CPZ: variants seen among roughly 807,000 people sequenced by gnomAD.
CPZ encodes the protein VEZT/CPZ fusion.
In CPZ, 103 loss-of-function variants were observed where a neutral mutation model predicts 61.8. The observed-to-expected ratio is 1.67, with a 90% confidence interval of 1.42 to 1.96. CPZ has a LOEUF of 1.96. Ranked by LOEUF, CPZ falls within the 30% of genes most tolerant of loss-of-function variation. The pLI is 0.00. For synonymous variants in CPZ, 551 were observed against 373.7 expected, an observed-to-expected ratio of 1.47 and a Z score of -5.47; for missense variants, 1,461 against 914.9, an observed-to-expected ratio of 1.60 and a Z score of -7.70.
chr4:8,618,197 T>C, intron 9 of CPZ: 3 of 549,502 alleles, frequency 5.5e-6, no homozygotes, highest in Non-Finnish European at 9.8e-6. Flanking sequence ...TGCAGGGTCA[T>C]TCAAAAGCCC....
intron 5 of CPZ, 96 bp downstream of exon 5, chr4:8,606,281 C>A (rs76139754): frequency 0.043 from 54,039 of 1,250,372 alleles, 1,398 homozygotes; most frequent in Non-Finnish European, 0.049. Context: ...TGCTTCGTTC[C>A]TGCCTCTCTA....
chr4:8,608,142 C>CAGCTTCCAGCTTCCAGCTT (rs1230960036), intron 7 of CPZ, among the ~76,000 whole-genome samples: 1 of 137,750 alleles, frequency 7.3e-6, no homozygotes, highest in African/African-American at 3.0e-5. Context: ...GCCTCCAGCC[C>CAGCTTCCAGCTTCCAGCTT]CCAGCCCCCA....
rs1714574362 is a variant in CPZ, at chr4:8,601,509, TG to T, written c.496+14del. 1.4e-6 allele frequency: 2 copies of T among 1,452,178 alleles called. No homozygotes were observed. The highest frequency in any genetic ancestry group is 1.8e-6 in the Non-Finnish European group (2 of 1,100,332). 90.0% of individuals were successfully genotyped at this position (1,452,178 alleles called of 1,614,324 possible). On this transcript the variant is annotated intron_variant, in intron 3 of 10. Transcript: ENST00000360986. Reference sequence around the variant, plus strand: ...GGAGAAGCTTCGGGGTAAGGGAAAGTGGCGGGGGCCTGTGTGGTCATGGGGT... The same window carrying T: ...GGAGAAGCTTCGGGGTAAGGGAAAGTGCGGGGGCCTGTGTGGTCATGGGGT...
rs1279520878 is a variant in CPZ, at chr4:8,607,385, C to G, written c.1187C>G (p.Pro396Arg). 5 of 1,613,960 alleles carry G rather than the reference C, an allele frequency of 3.1e-6. No individual in the cohort carries two copies. The highest frequency in any genetic ancestry group is 4.2e-6 in the Non-Finnish European group (5 of 1,179,982). The change falls in exon 7 of 11, where the codon CCC becomes CGC. Residue 396 changes from proline (P) to arginine (R), a missense_variant. Transcript: ENST00000360986. ...VSYPFDFSKH[P>R]QEEKMFSPTP... Reference sequence around the variant, plus strand: ...TACCCCTTCGACTTCTCCAAGCACCCCCAGGAGGAGAAGATGTTTTCTCCC... The same window carrying G: ...TACCCCTTCGACTTCTCCAAGCACCGCCAGGAGGAGAAGATGTTTTCTCCC...
At chr4:8,610,983 G>C (rs936437768) in intron 7 of CPZ, among the ~76,000 whole-genome samples, 2 of 151,536 alleles carry the variant, frequency 1.3e-5, no homozygotes, top group African/African-American at 4.9e-5. Flanking sequence ...CATTCACTCA[G>C]TCACTCACTC....
intron 7 of CPZ, among the ~76,000 whole-genome samples, chr4:8,610,522 G>C (rs147941190): frequency 2.2e-4 from 34 of 151,438 alleles, no homozygotes; most frequent in Non-Finnish European, 4.0e-4. Context: ...TTTGGAGAGA[G>C]TCTTGTCCCA....
intron 8 of CPZ, 49 bp downstream of exon 8, chr4:8,612,211 G>GGGGGGGGGGGGC: frequency 4.6e-6 from 1 of 215,366 alleles, no homozygotes; most frequent in Non-Finnish European, 8.4e-6. Context: ...GGGTGCAGGG[G>GGGGGGGGGGGGC]CTGGGTGGGG....
chr4:8,617,366 T>C (rs1716265740), intron 9 of CPZ, among the ~76,000 whole-genome samples: 1 of 152,180 alleles, frequency 6.6e-6, no homozygotes, highest in Admixed American at 6.5e-5. Context: ...CCAGCCCCTC[T>C]CGGGCTAATG....
intron 1 of CPZ, among the ~76,000 whole-genome samples, chr4:8,595,026 C>G (rs1714074382): frequency 6.6e-6 from 1 of 152,244 alleles, no homozygotes; most frequent in African/African-American, 2.4e-5. Flanking sequence ...CCCGCCTTGG[C>G]CTCCCAAAGT....
intron 2 of CPZ, 84 bp downstream of exon 2, chr4:8,599,569 C>G: frequency 6.3e-7 from 1 of 1,585,232 alleles, no homozygotes; most frequent in South Asian, 1.2e-5. Context: ...GCAGCTGAAT[C>G]CGTGATTTCA....
At position 8,619,552 on chromosome 4, in the gene CPZ, C is replaced by G; in HGVS notation, c.1894C>G (p.Pro632Ala). The change falls in exon 11 of 11, where the codon CCC becomes GCC. Residue 632 changes from proline to alanine, a missense_variant. Transcript: ENST00000360986. The part of the protein sequence containing the change: ...RRQPSADGSK[P>A]WWWSYFTSLS... The stretch of plus-strand genomic sequence containing the variant: ...GCAGCCCTCGGCCGACGGGAGTAAG[C>G]CCTGGTGGTGGTCCTACTTCACATC... 6.4e-7 allele frequency: 1 copy of G among 1,556,212 alleles called. No homozygotes were observed. The highest frequency in any genetic ancestry group is 8.7e-7 in the Non-Finnish European group (1 of 1,150,672).
rs762883332 is a variant in CPZ, at chr4:8,601,372, G to T, written c.371G>T (p.Gly124Val). Residue 124 changes from glycine to valine, a missense_variant, in exon 3 of 11, where the codon GGC becomes GTC. By Grantham distance (109) the Gly-to-Val change is moderately radical (BLOSUM62 -3). Coordinates refer to ENST00000360986, the MANE Select transcript of CPZ (RefSeq NM_001014447.3). ...VRRPCRHICE[G>V]LREVCQPAFD... ...AGACCCTGCCGGCACATCTGCGAGG[G>T]CCTGCGGGAGGTCTGCCAGCCCGCC... is the stretch of plus-strand genomic sequence containing the variant. 4.4e-6 allele frequency: 7 copies of T among 1,600,898 alleles called. No homozygotes were observed. The Admixed American group carries it at 1.0e-4, about 23-fold the overall frequency.
At chr4:8,612,217 T>TGGGGGGGGGGG in intron 8 of CPZ, 55 bp downstream of exon 8, 1 of 68,040 alleles carries the variant, frequency 1.5e-5, no homozygotes, top group Non-Finnish European at 2.9e-5. Context: ...AGGGGCTGGG[T>TGGGGGGGGGGG]GGGGCAGGGG....
chr4:8,601,868 C>G (rs1053663797), intron 3 of CPZ: 1 of 193,790 alleles, frequency 5.2e-6, no homozygotes, highest in African/African-American at 2.3e-5. Flanking sequence ...CCCTGGGGGT[C>G]CAGTCCTCAG....
At chr4:8,611,705 A>C (rs1038908881) in intron 7 of CPZ, among the ~76,000 whole-genome samples, 6 of 152,022 alleles carry the variant, frequency 3.9e-5, no homozygotes, top group African/African-American at 9.7e-5. Flanking sequence ...CACCCTGTGG[A>C]CACCATGTCT....
intron 4 of CPZ, among the ~76,000 whole-genome samples, chr4:8,605,549 C>T (rs1273525356): frequency 1.4e-5 from 2 of 147,818 alleles, no homozygotes; most frequent in African/African-American, 2.5e-5. Flanking sequence ...TCTATCCATT[C>T]ATCCATCATT....
At chr4:8,603,869 C>A in intron 3 of CPZ, 107 bp from the exon 4 acceptor site, 1 of 920,962 alleles carries the variant, frequency 1.1e-6, no homozygotes, top group Non-Finnish European at 1.7e-6. Flanking sequence ...CCAAGCATGG[C>A]TGTCGTGCAG....
At position 8,600,648 on chromosome 4, in the gene CPZ, C is replaced by T. The variant is rs576537740; in HGVS notation, c.122-475C>T. Among the ~76,000 whole-genome samples the T allele has an allele frequency of 7.2e-5, 11 of 152,330 alleles. No homozygotes were observed. In the East Asian group the frequency reaches 1.5e-3, roughly 21 times the overall value. On this transcript the variant is annotated intron_variant, in intron 2 of 10. Transcript: ENST00000360986. ...CAGAGCAGAGATGAGCCGGCTGAGC[C>T]GCATCTGTCATTATCCACTTCTCAT...
rs1226275835 is a variant in CPZ, at chr4:8,612,064, A to AC, written c.1269dup (p.Met424HisfsTer9). 1 of 1,613,638 alleles carries AC rather than the reference A, an allele frequency of 6.2e-7. No individual in the cohort carries two copies. Among genetic ancestry groups the AC allele is most frequent in the South Asian group, 1.1e-5 (1 of 91,054 alleles). The stretch of plus-strand genomic sequence containing the variant: ...CTGTCCAGAGCCTACGCTGACGTCC[A>AC]CCCCATGATGATGGACAGGTCGGAG... On this transcript the variant is annotated frameshift_variant, in exon 8 of 11. Coordinates refer to ENST00000360986, the MANE Select transcript of CPZ (RefSeq NM_001014447.3). LOFTEE classifies it high-confidence loss of function.
Sources: allele counts gnomAD v4.1 joint callset (sites outside exome capture counted in the v4.1 genomes callset), GRCh38; gene constraint gnomAD v4.1.1; transcripts MANE v1.5; gene names NCBI Gene and HGNC (gene_info 2026-07-23, HGNC 2026-07-21).